PADI2: variants seen among roughly 807,000 people sequenced by gnomAD.
The protein encoded by PADI2 is peptidyl arginine deiminase 2, also known as protein-arginine deiminase type-2.
PADI2 carries 70 observed loss-of-function variants against 81.1 expected under a neutral mutation model. The ratio of observed to expected loss-of-function variants is 0.86; its 90% CI spans 0.71 to 1.05. The LOEUF (loss-of-function observed/expected upper bound fraction) is 1.05, where lower values mean the gene tolerates loss of function less well. Ranked by LOEUF, PADI2 falls within the 50% of genes least tolerant of loss-of-function variation. The pLI, the probability that PADI2 is intolerant of heterozygous loss-of-function variation, is 0.00. For synonymous variants in PADI2, 338 were observed against 358.0 expected, an observed-to-expected ratio of 0.94 and a Z score of 0.63; for missense variants, 853 against 889.9, an observed-to-expected ratio of 0.96 and a Z score of 0.53.
intron 12 of PADI2, 70 bp downstream of exon 12, chr1:17,075,609 G>T: frequency 2.8e-6 from 4 of 1,408,554 alleles, no homozygotes; most frequent in Non-Finnish European, 3.9e-6. Context: ...CTTGCCCTCT[G>T]CTGGCAGGGG....
chr1:17,079,047 T>C (rs2078324445), intron 11 of PADI2: 2 of 409,510 alleles, frequency 4.9e-6, no homozygotes, highest in African/African-American at 2.0e-5. Context: ...GGGAAAAGAG[T>C]TGTTTATTTA....
intron 7 of PADI2, among the ~76,000 whole-genome samples, chr1:17,085,332 G>A (rs1400464335): frequency 6.6e-6 from 1 of 152,202 alleles, no homozygotes; most frequent in Non-Finnish European, 1.5e-5. Flanking sequence ...CCCATCCTTG[G>A]TGGGGAGGTG....
intron 8 of PADI2, 39 bp downstream of exon 8, chr1:17,084,560 T>C: frequency 1.5e-6 from 2 of 1,366,302 alleles, no homozygotes; most frequent in African/African-American, 1.4e-5. Context: ...CCTTGGCCAC[T>C]CTGCCACGCT....
At chr1:17,083,575 G>A (rs1423298076) in intron 9 of PADI2, 151 bp downstream of exon 9, 1 of 623,688 alleles carries the variant, frequency 1.6e-6, no homozygotes, top group Non-Finnish European at 2.9e-6. Flanking sequence ...GCACTTGTAT[G>A]TTTATGTCTT....
Position 17,076,319 on chromosome 1 carries a change from A to G in PADI2, c.1311-496T>C, listed in dbSNP as rs548306905. Among the ~76,000 whole-genome samples the G allele has an allele frequency of 2.6e-5, 4 of 151,958 alleles. No homozygotes were observed. The South Asian group carries it at 8.3e-4, about 32-fold the overall frequency. On this transcript the variant is annotated intron_variant, in intron 11 of 15. Transcript: ENST00000375486. ...AACCTCTGCCTCCCGGGTTCAAGCAATTCTCCTGCCTCAGCATCCTGAGTA... is the reference window on the plus strand; with the variant it reads ...AACCTCTGCCTCCCGGGTTCAAGCAGTTCTCCTGCCTCAGCATCCTGAGTA...
At position 17,092,503 on chromosome 1, in the gene PADI2, C is replaced by T. The variant is rs372515836; in HGVS notation, c.560G>A (p.Arg187Gln). 3.6e-5 allele frequency: 58 copies of T among 1,603,164 alleles called. No homozygotes were observed. The Middle Eastern group carries it at 5.0e-4, about 14-fold the overall frequency. ...GGGGAGGCGGTCGGGGCCTTTGGTC[C>T]GCAGGATCATCTGGGACATGTCCTT... is the stretch of plus-strand genomic sequence containing the variant. ...DLKDMSQMIL[R>Q]TKGPDRLPAG... Residue 187 changes from arginine to glutamine, a missense_variant, in exon 6 of 16, where the codon CGG becomes CAG. Arg to Gln is a conservative substitution (Grantham distance 43). Coordinates refer to ENST00000375486, the MANE Select transcript of PADI2 (RefSeq NM_007365.3).
At chr1:17,086,489 A>G (rs751404312) in intron 7 of PADI2, 32 bp downstream of exon 7, 3 of 1,585,568 alleles carry the variant, frequency 1.9e-6, no homozygotes, top group Non-Finnish European at 1.7e-6. Context: ...CCCTGGGGTT[A>G]GCCCCCTGTG....
At chr1:17,100,351 G>A (rs1931099551) in intron 3 of PADI2, among the ~76,000 whole-genome samples, 1 of 151,774 alleles carries the variant, frequency 6.6e-6, no homozygotes, top group Admixed American at 6.6e-5. Flanking sequence ...GTGGCACTGT[G>A]TCAGCTCACT....
chr1:17,069,265 C>T lies in PADI2; in HGVS notation c.1777G>A (p.Val593Met), dbSNP rs753825782. 2.2e-5 allele frequency: 35 copies of T among 1,613,930 alleles called. No individual in the cohort carries two copies. The highest frequency in any genetic ancestry group is 3.3e-5 in the South Asian group (3 of 91,082). The change falls in exon 16 of 16, where the codon GTG becomes ATG. Residue 593 changes from valine to methionine, a missense_variant. Val to Met is a conservative substitution (Grantham distance 21). Coordinates refer to ENST00000375486, the MANE Select transcript of PADI2 (RefSeq NM_007365.3). ...GGGATGCCCAGGTCCTTGTCCAGCA[C>T]GATCATGTTCACCTGTGACGGGGGA... is the stretch of plus-strand genomic sequence containing the variant. ...AFFPNMVNMI[V>M]LDKDLGIPKP...
intron 13 of PADI2, among the ~76,000 whole-genome samples, chr1:17,073,037 T>C (rs1188853313): frequency 6.6e-6 from 1 of 152,134 alleles, no homozygotes; most frequent in Non-Finnish European, 1.5e-5. Flanking sequence ...GGGGCAGTCA[T>C]GTAAGTATCA....
In PADI2 at chr1:17,104,877, C is replaced by A; in HGVS notation, c.276+1G>T. On this transcript the variant is annotated splice_donor_variant, in intron 2 of 15. Coordinates refer to ENST00000375486, the MANE Select transcript of PADI2 (RefSeq NM_007365.3). LOFTEE classifies it high-confidence loss of function. ...AGAGGCTGGACTTCCCGCCGTGGTACCTTGTCACTGCTGGCCTCGGTGCTC... is the reference window on the plus strand; with the variant it reads ...AGAGGCTGGACTTCCCGCCGTGGTAACTTGTCACTGCTGGCCTCGGTGCTC... 6.4e-7 allele frequency: 1 copy of A among 1,567,332 alleles called. No individual in the cohort carries two copies.
intron 1 of PADI2, among the ~76,000 whole-genome samples, chr1:17,111,094 T>C (rs1931565233): frequency 6.7e-6 from 1 of 148,260 alleles, no homozygotes; most frequent in Non-Finnish European, 1.5e-5. Context: ...TTTTTTTTTT[T>C]TTTTTTTTTT....
Position 17,115,974 on chromosome 1 carries a change from G to C in PADI2, c.92+3306C>G, listed in dbSNP as rs572944451. On this transcript the variant is annotated intron_variant, in intron 1 of 15. Transcript: ENST00000375486. This position sits in a 1 kb window ranked among gnomAD's most constrained non-coding sequence, Gnocchi z 4.1. ...GGGGGGCCAGTTTTGCTGGGAGAGC[G>C]TGGGTGGCCCAGAGCACCCCTGCCC... 2.6e-5 allele frequency among the ~76,000 whole-genome samples: 4 copies of C among 152,250 alleles called. No individual in the cohort carries two copies. The highest frequency in any genetic ancestry group is 5.9e-5 in the Non-Finnish European group (4 of 68,046).
chr1:17,103,308 G>A (rs774255825), intron 2 of PADI2, among the ~76,000 whole-genome samples: 55 of 152,188 alleles, frequency 3.6e-4, no homozygotes, highest in Non-Finnish European at 6.0e-4. Context: ...GCCTTCCTGT[G>A]CCACTGTGTG....
chr1:17,096,030 A>G lies in PADI2; in HGVS notation c.350-60T>C, dbSNP rs72897622. On this transcript the variant is annotated intron_variant, in intron 3 of 15. Coordinates refer to ENST00000375486, the MANE Select transcript of PADI2 (RefSeq NM_007365.3). ...TGCCAGGCAGGGCAGGGCAGGGGCA[A>G]GAGGAAGACCTGTGGGATTTGGGTG... 6.6e-4 allele frequency: 899 copies of G among 1,354,556 alleles called. 3 individuals are homozygous for G. In the African/African-American group the frequency reaches 9.1e-3, roughly 14 times the overall value. 83.9% of individuals were successfully genotyped at this position (1,354,556 alleles called of 1,614,324 possible).
chr1:17,070,062 G>A lies in PADI2; in HGVS notation c.1764+26C>T, dbSNP rs200335052. 1,337 of 1,610,402 alleles carry A rather than the reference G, an allele frequency of 8.3e-4. 14 individuals are homozygous for A. The African/African-American group carries it at 0.015, about 18-fold the overall frequency. The stretch of plus-strand genomic sequence containing the variant: ...TGGCTGCCCTGTACTGGCATGGGGC[G>A]AGGGTTGGGGTCTGCAGGGCCTCAC... On this transcript the variant is annotated intron_variant, in intron 15 of 15. Coordinates refer to ENST00000375486, the MANE Select transcript of PADI2 (RefSeq NM_007365.3).
chr1:17,095,833 A>C (rs1930902698), intron 4 of PADI2, 76 bp downstream of exon 4: 2 of 1,150,262 alleles, frequency 1.7e-6, no homozygotes, highest in East Asian at 2.4e-5. Context: ...GTGAAATGGG[A>C]ATTGCCTGCG....
rs2078244160 is a variant in PADI2, at chr1:17,068,882, C to T, written c.*162G>A. 4.8e-6 allele frequency: 3 copies of T among 627,036 alleles called. No homozygotes were observed. Among genetic ancestry groups the T allele is most frequent in the Non-Finnish European group, 8.6e-6 (3 of 350,024 alleles). The allele number at this position is 627,036 out of a possible 1,614,324, so 38.8% of individuals were successfully genotyped here. A position where few individuals can be genotyped will look rare whatever the true frequency, so the allele number is the denominator to read the frequency against. On this transcript the variant is annotated 3_prime_UTR_variant, in exon 16 of 16. Coordinates refer to ENST00000375486, the MANE Select transcript of PADI2 (RefSeq NM_007365.3). ...GGGATGGCTTCAGAGGACACTGAGG[C>T]CCCTCTCAGGGAGGGCAAGGCACAG...
Position 17,095,968 on chromosome 1 carries a change from T to A in PADI2, c.352A>T (p.Ile118Phe), listed in dbSNP as rs748353221. Residue 118 changes from isoleucine to phenylalanine, a missense_variant and splice_region_variant, in exon 4 of 16, where the codon ATC becomes TTC. Coordinates refer to ENST00000375486, the MANE Select transcript of PADI2 (RefSeq NM_007365.3). ...QAGLFLTAIEISLDVDADRDG... is the reference protein window; with the variant it reads ...QAGLFLTAIEFSLDVDADRDG... ...CGGTCTGCGTCCACATCCAGGGAGA[T>A]CTCTGGGGAGAAGAGACATGGGTGA... 1 of 1,602,934 alleles carries A rather than the reference T, an allele frequency of 6.2e-7. No homozygotes were observed. The highest frequency in any genetic ancestry group is 1.7e-5 in the Admixed American group (1 of 58,432).
Sources: gnomAD v4.1 joint callset for allele counts (sites outside exome capture counted in the v4.1 genomes callset) on GRCh38, gnomAD v4.1.1 for gene constraint, Gnocchi (gnomAD v3.1) non-coding constraint, MANE v1.5 for transcripts, NCBI Gene and HGNC (gene_info 2026-07-23, HGNC 2026-07-21) for gene names.